Variants in CTNND1 observed in about 807,000 individuals in gnomAD.
CTNND1 encodes catenin delta 1.
In CTNND1, 16 loss-of-function variants were observed where a neutral mutation model predicts 112.1. That is an observed-to-expected ratio of 0.14 (90% CI 0.10 to 0.22). The LOEUF (loss-of-function observed/expected upper bound fraction) is 0.22. Ranked by LOEUF, CTNND1 falls within the 10% of genes least tolerant of loss-of-function variation. The pLI, the probability that CTNND1 is intolerant of heterozygous loss-of-function variation, is 1.00. For synonymous variants in CTNND1, 420 were observed against 446.5 expected (o/e 0.94, Z 0.75); for missense variants, 1,008 against 1,257.0 (o/e 0.80, Z 3.00).
intron 1 of CTNND1, among the ~76,000 whole-genome samples, chr11:57,762,668 G>A (rs946999480): frequency 1.3e-5 from 2 of 152,078 alleles, no homozygotes; most frequent in African/African-American, 2.4e-5. Flanking sequence ...ACTTTTCCAG[G>A]TGCGGTGGGT....
intron 1 of CTNND1, among the ~76,000 whole-genome samples, chr11:57,771,703 G>A (rs1952665386): frequency 6.6e-6 from 1 of 152,196 alleles, no homozygotes; most frequent in South Asian, 2.1e-4. Context: ...AAACCCCAGA[G>A]ACAACGGCTG....
intron 7 of CTNND1, 80 bp downstream of exon 7, chr11:57,802,276 T>C: frequency 1.6e-6 from 2 of 1,268,752 alleles, no homozygotes; most frequent in Non-Finnish European, 2.2e-6. Flanking sequence ...TTTCCAGACC[T>C]TTTACTTTTG....
chr11:57,806,156 T>A, intron 10 of CTNND1, 121 bp downstream of exon 10: 2 of 1,321,464 alleles, frequency 1.5e-6, no homozygotes, highest in Non-Finnish European at 2.0e-6. Flanking sequence ...TGGATGTCTT[T>A]TTGGTTTGCT....
intron 1 of CTNND1, among the ~76,000 whole-genome samples, chr11:57,774,213 G>C (rs1270760468): frequency 1.3e-5 from 2 of 152,120 alleles, no homozygotes; most frequent in Non-Finnish European, 2.9e-5. Context: ...GTTGTCAAGT[G>C]GTTTAGAATT....
intron 5 of CTNND1, 56 bp downstream of exon 5, chr11:57,795,785 T>C: frequency 1.3e-6 from 2 of 1,483,092 alleles, no homozygotes; most frequent in Non-Finnish European, 1.8e-6. Context: ...TCTTCTCTAT[T>C]AGGGGAGGGG....
rs181691897 is a variant in CTNND1, at chr11:57,817,262, A to T, written c.*954A>T. On this transcript the variant is annotated 3_prime_UTR_variant, in exon 21 of 21. Coordinates refer to ENST00000399050, the MANE Select transcript of CTNND1 (RefSeq NM_001085458.2). ...CCCCGTTTCTCCTTTTCCTATCCTT[A>T]TAGGCCTGTCCCTTGCCTCTGCCCT... 1 of 153,162 alleles carries T rather than the reference A, an allele frequency of 6.5e-6. No individual in the cohort carries two copies. Among genetic ancestry groups the T allele is most frequent in the East Asian group, 1.9e-4 (1 of 5,200 alleles). 9.5% of individuals were successfully genotyped at this position (153,162 alleles called of 1,614,324 possible). A position where few individuals can be genotyped will look rare whatever the true frequency, so the allele number is the denominator to read the frequency against.
chr11:57,810,273 A>G (rs570467414), intron 16 of CTNND1, 50 bp downstream of exon 16: 4 of 1,324,378 alleles, frequency 3.0e-6, no homozygotes, highest in African/African-American at 1.5e-5. Flanking sequence ...TCTTGGTCCC[A>G]GGATAATGCT....
At chr11:57,813,510 A>T (rs1347889726) in intron 17 of CTNND1, among the ~76,000 whole-genome samples, 1 of 152,256 alleles carries the variant, frequency 6.6e-6, no homozygotes, top group South Asian at 2.1e-4. Flanking sequence ...TTGATCCGTT[A>T]AAAGTGCAAG....
At chr11:57,810,311 AC>A in intron 16 of CTNND1, 88 bp downstream of exon 16, 1 of 973,872 alleles carries the variant, frequency 1.0e-6, no homozygotes, top group Non-Finnish European at 1.5e-6. Context: ...CTTCCATTTC[AC>A]CATCATGCTA....
At chr11:57,809,908 A>C (rs543058549) in intron 15 of CTNND1, among the ~76,000 whole-genome samples, 1 of 152,142 alleles carries the variant, frequency 6.6e-6, no homozygotes, top group South Asian at 2.1e-4. Context: ...ATGGGGTTTC[A>C]CCGTGTTAGC....
At chr11:57,780,941 CT>C (rs1220299809) in intron 1 of CTNND1, among the ~76,000 whole-genome samples, 1 of 152,092 alleles carries the variant, frequency 6.6e-6, no homozygotes, top group Non-Finnish European at 1.5e-5. Context: ...TATTTTCTTT[CT>C]TTCTTTCTTT....
chr11:57,784,634 G>T (rs1340904652), intron 1 of CTNND1, among the ~76,000 whole-genome samples: 2 of 152,160 alleles, frequency 1.3e-5, no homozygotes, highest in South Asian at 2.1e-4. Flanking sequence ...CTCCTGAATA[G>T]CTGGGATTAC....
intron 2 of CTNND1, among the ~76,000 whole-genome samples, chr11:57,790,006 A>G (rs1393199873): frequency 6.6e-6 from 1 of 152,166 alleles, no homozygotes; most frequent in Non-Finnish European, 1.5e-5. Context: ...TAGTCAAGGA[A>G]CACGTTTTGC....
chr11:57,816,349 A>AT lies in CTNND1; in HGVS notation c.*47dup. ...TCCATCTGGGCTTATATGTACTTTTATTTTTTGGTGGTGAAATTGACTGAT... is the reference window on the plus strand; with the variant it reads ...TCCATCTGGGCTTATATGTACTTTTATTTTTTTGGTGGTGAAATTGACTGAT... On this transcript the variant is annotated 3_prime_UTR_variant, in exon 21 of 21. Transcript: ENST00000399050. 2.5e-6 allele frequency: 4 copies of AT among 1,611,242 alleles called. No homozygotes were observed. The highest frequency in any genetic ancestry group is 3.4e-6 in the Non-Finnish European group (4 of 1,178,068).
intron 1 of CTNND1, among the ~76,000 whole-genome samples, chr11:57,774,578 A>G (rs550695948): frequency 6.6e-6 from 1 of 152,320 alleles, no homozygotes; most frequent in South Asian, 2.1e-4. Flanking sequence ...TGAGCAGTAA[A>G]ACTGGCCCAA....
intron 1 of CTNND1, chr11:57,764,106 T>A (rs1950502117): frequency 6.6e-6 from 1 of 152,212 alleles, no homozygotes. Context: ...CTCATTGTCT[T>A]GGTTTTGGGG....
Position 57,819,218 on chromosome 11 carries a change from G to A in CTNND1, c.*2910G>A, listed in dbSNP as rs1262819117. ...CTTGTTTTATTGAACTAGGACTTGGGTATGAAAACTTTCATGGGCTAGTGA... is the reference window on the plus strand; with the variant it reads ...CTTGTTTTATTGAACTAGGACTTGGATATGAAAACTTTCATGGGCTAGTGA... On this transcript the variant is annotated 3_prime_UTR_variant, in exon 21 of 21. Transcript: ENST00000399050. 6.6e-6 allele frequency: 1 copy of A among 152,180 alleles called. No individual in the cohort carries two copies. The highest frequency in any genetic ancestry group is 1.5e-5 in the Non-Finnish European group (1 of 68,030). The allele number at this position is 152,180 out of a possible 1,614,324, so 9.4% of individuals were successfully genotyped here.
chr11:57,792,295 ACT>A (rs2060832675), intron 3 of CTNND1, among the ~76,000 whole-genome samples: 1 of 152,124 alleles, frequency 6.6e-6, no homozygotes, highest in Non-Finnish European at 1.5e-5. Context: ...GGGTTGGCTG[ACT>A]CTGTGATGTG....
intron 6 of CTNND1, among the ~76,000 whole-genome samples, chr11:57,800,260 A>G (rs946221407): frequency 4.0e-5 from 6 of 149,292 alleles, no homozygotes; most frequent in African/African-American, 1.5e-4. Context: ...GAAGGGTTTA[A>G]TCTTGACCTT....
Sources: gnomAD v4.1 joint callset for allele counts (sites outside exome capture counted in the v4.1 genomes callset) on GRCh38, gnomAD v4.1.1 for gene constraint, MANE v1.5 for transcripts, NCBI Gene and HGNC (gene_info 2026-07-23, HGNC 2026-07-21) for gene names.